The following CELF2 variants were observed in gnomAD, a reference collection of about 807,000 sequenced individuals.
CELF2 encodes CUG triplet repeat RNA-binding protein 2.
CELF2 carries 8 observed loss-of-function variants against 62.6 expected under a neutral mutation model. That is an observed-to-expected ratio of 0.13 (90% CI 0.07 to 0.23). The LOEUF is 0.23. Among genes scored for constraint, CELF2 ranks in the 10% least tolerant of loss-of-function variants. CELF2 has a pLI of 1.00. For missense variants in CELF2, 333 were observed against 671.0 expected (o/e 0.50, Z 5.56); for synonymous variants, 258 against 250.0 (o/e 1.03, Z -0.30).
the CELF2 span, among the ~76,000 whole-genome samples, chr10:10,487,001 C>T: frequency 5.3e-5 from 8 of 152,140 alleles, no homozygotes; most frequent in Non-Finnish European, 1.5e-5. Context: ...TTTCCCTGTC[C>T]ATCGTATATG....
the CELF2 span, among the ~76,000 whole-genome samples, chr10:10,514,751 G>C: frequency 6.6e-6 from 1 of 152,126 alleles, no homozygotes; most frequent in African/African-American, 2.4e-5. Flanking sequence ...TGACAACAGA[G>C]GTGCTTTTAG....
chr10:10,931,115 G>A lies in CELF2; in HGVS notation c.89+11116G>A, dbSNP rs563059249. Among the ~76,000 whole-genome samples, 31 of 152,074 alleles carry A rather than the reference G, an allele frequency of 2.0e-4. 1 individual carries two copies. In the Middle Eastern group the frequency reaches 0.014, roughly 67 times the overall value. ...TTAAACCCTGTAAACCTTTCTTTTC[G>A]GATTAGGTTTTGTAAATGTTTCTAT... is the stretch of plus-strand genomic sequence containing the variant. On this transcript the variant is annotated intron_variant, in intron 2 of 13. Transcript: ENST00000636488. This position sits in a 1 kb window ranked among gnomAD's most constrained non-coding sequence, Gnocchi z 6.1.
chr10:10,871,987 C>A (rs143737700), intron 1 of CELF2, among the ~76,000 whole-genome samples: 1 of 152,286 alleles, frequency 6.6e-6, no homozygotes, highest in East Asian at 1.9e-4. Context: ...TTCTATTTTG[C>A]ATTTCAAAGA....
intron 1 of CELF2, among the ~76,000 whole-genome samples, chr10:11,126,627 C>G (rs1387471902): frequency 6.6e-6 from 1 of 151,988 alleles, no homozygotes; most frequent in African/African-American, 2.4e-5. Context: ...GAGCTGTGTC[C>G]AAATCAGTGC....
At chr10:11,017,829 G>A (rs1324629509), upstream of CELF2, 1 of 459,396 alleles carries the variant, frequency 2.2e-6, no homozygotes, top group Admixed American at 6.5e-5. The surrounding 1 kb of genome is among the most constrained non-coding windows in gnomAD (Gnocchi z 5.5). Flanking sequence ...CTGGGCCGGC[G>A]GGCCCGCAGG....
chr10:11,010,201 A>G lies in CELF2; in HGVS notation c.53+4761A>G, dbSNP rs1009477655. On this transcript the variant is annotated intron_variant, in intron 1 of 12. Coordinates refer to the CELF2 transcript ENST00000416382. This position sits in a 1 kb window ranked among gnomAD's most constrained non-coding sequence, Gnocchi z 4.1. ...TGCCTTTAAGGTATCATGTCTGTAA[A>G]TGAAAACTCATGTTGACCTTGTTTA... 3 of 152,210 alleles carry G rather than the reference A, an allele frequency of 2.0e-5. No homozygotes were observed. Among genetic ancestry groups the G allele is most frequent in the African/African-American group, 7.2e-5 (3 of 41,462 alleles). The allele number at this position is 152,210 out of a possible 1,614,324, so 9.4% of individuals were successfully genotyped here. A position where few individuals can be genotyped will look rare whatever the true frequency, so the allele number is the denominator to read the frequency against.
chr10:10,748,584 T>C, the CELF2 span, among the ~76,000 whole-genome samples: 1 of 151,386 alleles, frequency 6.6e-6, no homozygotes, highest in East Asian at 1.9e-4. Flanking sequence ...CTGTCTCTAC[T>C]AAAAATACAA....
At chr10:11,094,771 G>A (rs1301844218) in intron 1 of CELF2, among the ~76,000 whole-genome samples, 2 of 152,170 alleles carry the variant, frequency 1.3e-5, no homozygotes, top group Non-Finnish European at 2.9e-5. Flanking sequence ...ATATGTCCCT[G>A]ACATACAAAA....
chr10:10,928,826 T>G lies in CELF2; in HGVS notation c.89+8827T>G, dbSNP rs1204897512. On this transcript the variant is annotated intron_variant, in intron 2 of 13. Coordinates refer to the CELF2 transcript ENST00000636488. This position sits in a 1 kb window ranked among gnomAD's most constrained non-coding sequence, Gnocchi z 4.8. ...CTTCTCCGCTAAGTAGGAAACACAC[T>G]AAAATCCTATTACTATTTGTTGTTT... 6.6e-6 allele frequency among the ~76,000 whole-genome samples: 1 copy of G among 152,188 alleles called. No individual in the cohort carries two copies. The highest frequency in any genetic ancestry group is 1.5e-5 in the Non-Finnish European group (1 of 68,026).
chr10:11,097,184 T>C (rs1210538706), intron 1 of CELF2: 2 of 152,306 alleles, frequency 1.3e-5, no homozygotes, highest in East Asian at 3.9e-4. Flanking sequence ...CCAACAAAAG[T>C]AGAGCTGCCC....
chr10:10,865,407 T>C (rs556282305), intron 1 of CELF2, among the ~76,000 whole-genome samples: 108 of 152,344 alleles, frequency 7.1e-4, no homozygotes, highest in African/African-American at 2.5e-3. Flanking sequence ...AAATAAAATA[T>C]ATGAATTTGC....
intron 1 of CELF2, among the ~76,000 whole-genome samples, chr10:11,045,947 A>G (rs776824046): frequency 1.3e-5 from 2 of 152,224 alleles, no homozygotes; most frequent in Non-Finnish European, 2.9e-5. Context: ...GGAGTTCACA[A>G]ATGTTCTCTG....
At chr10:10,874,652 A>T (rs1255514357) in intron 1 of CELF2, among the ~76,000 whole-genome samples, 3 of 152,192 alleles carry the variant, frequency 2.0e-5, no homozygotes, top group African/African-American at 7.2e-5. Context: ...ATTTCATAAT[A>T]TATGTTGATG....
chr10:10,780,453 ACGTTTGTTTGTT>A, the CELF2 span, among the ~76,000 whole-genome samples: 1 of 113,476 alleles, frequency 8.8e-6, no homozygotes, highest in African/African-American at 3.3e-5. Flanking sequence ...ACAGAGGGAA[ACGTTTGTTTGTT>A]TGTTTGTTTG....
chr10:10,687,090 C>T, the CELF2 span, among the ~76,000 whole-genome samples: 2 of 152,210 alleles, frequency 1.3e-5, no homozygotes, highest in African/African-American at 4.8e-5. Context: ...ACACCCTACA[C>T]TTAAACTGTG....
intron 2 of CELF2, among the ~76,000 whole-genome samples, chr10:10,942,849 G>A (rs1165833670): frequency 6.6e-6 from 1 of 152,194 alleles, no homozygotes; most frequent in East Asian, 1.9e-4. Context: ...AATACCTTGA[G>A]AATGAAGACT....
At position 11,331,827 on chromosome 10, in the gene CELF2, G is replaced by A. The variant is rs2096028482; in HGVS notation, c.*2774G>A. 6.6e-6 allele frequency: 1 copy of A among 152,638 alleles called. No individual in the cohort carries two copies. The highest frequency in any genetic ancestry group is 6.5e-5 in the Admixed American group (1 of 15,288). The allele number at this position is 152,638 out of a possible 1,614,324, so 9.5% of individuals were successfully genotyped here. A position where few individuals can be genotyped will look rare whatever the true frequency, so the allele number is the denominator to read the frequency against. ...TAATCTATGGAAACCTCTAAGGTGAGAAAGTTTTGAACTTTTAACCCTTTC... is the reference window on the plus strand; with the variant it reads ...TAATCTATGGAAACCTCTAAGGTGAAAAAGTTTTGAACTTTTAACCCTTTC... On this transcript the variant is annotated 3_prime_UTR_variant, in exon 13 of 13. Transcript: ENST00000633077.
the CELF2 span, among the ~76,000 whole-genome samples, chr10:10,634,225 GTTAC>G: frequency 6.6e-6 from 1 of 151,844 alleles, no homozygotes. Flanking sequence ...TTTTCTTTGA[GTTAC>G]TTATTCATGC....
At chr10:10,752,688 C>CAAAAAAAAAAAAAAAAAAAAAA in the CELF2 span, among the ~76,000 whole-genome samples, 8 of 58,960 alleles carry the variant, frequency 1.4e-4, no homozygotes, top group Non-Finnish European at 1.9e-4. Context: ...GACTCCGTCT[C>CAAAAAAAAAAAAAAAAAAAAAA]AAAAAAAAAA....
Sources: allele counts gnomAD v4.1 joint callset (sites outside exome capture counted in the v4.1 genomes callset), GRCh38; gene constraint gnomAD v4.1.1; non-coding constraint Gnocchi (gnomAD v3.1); transcripts MANE v1.5; gene names NCBI Gene and HGNC (gene_info 2026-07-23, HGNC 2026-07-21).